CDK14: variants seen among roughly 807,000 people sequenced by gnomAD.
CDK14 encodes the protein cyclin dependent kinase 14, also known as cyclin-dependent kinase 14.
In CDK14, 34 loss-of-function variants were observed where a neutral mutation model predicts 60.7. That is an observed-to-expected ratio of 0.56 (90% confidence interval 0.43 to 0.75). The LOEUF is 0.75. Among genes scored for constraint, CDK14 ranks in the 30% least tolerant of loss-of-function variants. The pLI, the probability that CDK14 is intolerant of heterozygous loss-of-function variation, is 0.00. For missense variants in CDK14, 482 were observed against 564.1 expected (o/e 0.85, Z 1.47); for synonymous variants, 197 against 203.7 (o/e 0.97, Z 0.28).
chr7:90,910,523 G>A (rs977064731), intron 7 of CDK14, among the ~76,000 whole-genome samples: 2 of 152,070 alleles, frequency 1.3e-5, no homozygotes, highest in Non-Finnish European at 2.9e-5. Flanking sequence ...AAATGATACG[G>A]CGTTAAATAT....
At chr7:90,756,999 G>A (rs1327638894) in intron 4 of CDK14, among the ~76,000 whole-genome samples, 1 of 152,134 alleles carries the variant, frequency 6.6e-6, no homozygotes, top group Non-Finnish European at 1.5e-5. Context: ...CCCACAATCT[G>A]GGTGGCTTAA....
intron 5 of CDK14, among the ~76,000 whole-genome samples, chr7:90,849,793 C>T (rs75851246): frequency 0.032 from 4,791 of 152,072 alleles, 99 homozygotes; most frequent in Middle Eastern, 0.061. Context: ...ACCAAGTCTG[C>T]GGGTTGGATC....
chr7:90,760,625 G>A lies in CDK14; in HGVS notation c.464+12850G>A, dbSNP rs991394393. 5.3e-5 allele frequency among the ~76,000 whole-genome samples: 8 copies of A among 152,142 alleles called. 1 individual carries two copies. The South Asian group carries it at 1.4e-3, about 28-fold the overall frequency. On this transcript the variant is annotated intron_variant, in intron 4 of 14. Coordinates refer to ENST00000380050, the MANE Select transcript of CDK14 (RefSeq NM_001287135.2). ...TTAGACTTTGGGCTCTTGGACCAAA[G>A]CTTATTATTACAGCTCACTTCAAAG...
At chr7:90,600,989 A>C (rs1237783959) in intron 1 of CDK14, among the ~76,000 whole-genome samples, 1 of 152,250 alleles carries the variant, frequency 6.6e-6, no homozygotes, top group African/African-American at 2.4e-5. Context: ...AGGCCAATTA[A>C]CAGGCATTTA....
At chr7:91,073,477 T>A (rs1798212405) in intron 11 of CDK14, among the ~76,000 whole-genome samples, 1 of 152,134 alleles carries the variant, frequency 6.6e-6, no homozygotes, top group South Asian at 2.1e-4. Context: ...CCACCAGGCC[T>A]GTCTTGCAAG....
At chr7:90,657,229 C>T (rs908409759) in intron 2 of CDK14, among the ~76,000 whole-genome samples, 1 of 152,072 alleles carries the variant, frequency 6.6e-6, no homozygotes. Context: ...TGGTTTTGGG[C>T]TATTGAATAG....
At chr7:90,848,388 A>G (rs1790539348) in intron 5 of CDK14, among the ~76,000 whole-genome samples, 1 of 152,174 alleles carries the variant, frequency 6.6e-6, no homozygotes. Context: ...GGCCTGAGCC[A>G]CAGTGCCCAG....
At chr7:90,910,770 C>CT (rs1584113977) in intron 7 of CDK14, among the ~76,000 whole-genome samples, 1 of 152,136 alleles carries the variant, frequency 6.6e-6, no homozygotes, top group East Asian at 1.9e-4. Context: ...CTTAATTCCT[C>CT]TTTTTTTAAA....
intron 14 of CDK14, among the ~76,000 whole-genome samples, chr7:91,195,787 A>G (rs964898660): frequency 6.6e-6 from 1 of 151,946 alleles, no homozygotes; most frequent in African/African-American, 2.4e-5. Context: ...GGAACCTGGG[A>G]CTCTCCACCC....
chr7:91,201,216 C>T (rs1288559228), intron 14 of CDK14, among the ~76,000 whole-genome samples: 4 of 151,978 alleles, frequency 2.6e-5, no homozygotes, highest in African/African-American at 4.8e-5. Context: ...AGAAACTAAA[C>T]GTATTATAGC....
intron 9 of CDK14, among the ~76,000 whole-genome samples, chr7:90,959,026 T>C (rs1794519043): frequency 6.6e-6 from 1 of 152,198 alleles, no homozygotes; most frequent in African/African-American, 2.4e-5. Flanking sequence ...CTACTTTTTC[T>C]TGCCCGTGTG....
At chr7:90,670,725 C>CA (rs1330828970) in intron 2 of CDK14, among the ~76,000 whole-genome samples, 3 of 152,126 alleles carry the variant, frequency 2.0e-5, no homozygotes, top group African/African-American at 7.2e-5. Flanking sequence ...AGGACAGCAC[C>CA]AAAACATAAG....
intron 5 of CDK14, among the ~76,000 whole-genome samples, chr7:90,816,884 A>G (rs1789376255): frequency 6.6e-6 from 1 of 152,210 alleles, no homozygotes; most frequent in African/African-American, 2.4e-5. Context: ...CCATTTTACA[A>G]GAGAACAAGT....
At chr7:90,877,462 T>C (rs1398697230) in intron 6 of CDK14, among the ~76,000 whole-genome samples, 1 of 151,886 alleles carries the variant, frequency 6.6e-6, no homozygotes, top group African/African-American at 2.4e-5. Context: ...TGAGTAAGAA[T>C]TTTCCATCTT....
chr7:90,796,745 G>A (rs1788450643), intron 5 of CDK14, among the ~76,000 whole-genome samples: 1 of 150,384 alleles, frequency 6.6e-6, no homozygotes, highest in African/African-American at 2.5e-5. Context: ...GGGTTTTAGG[G>A]ATTTTGAGCT....
At chr7:90,671,416 TAA>T (rs898169894) in intron 2 of CDK14, among the ~76,000 whole-genome samples, 3 of 152,164 alleles carry the variant, frequency 2.0e-5, no homozygotes, top group African/African-American at 7.2e-5. Context: ...CAGAAAATGT[TAA>T]GATGTAAACA....
intron 8 of CDK14, among the ~76,000 whole-genome samples, chr7:90,923,643 G>T (rs1793321956): frequency 6.6e-6 from 1 of 152,150 alleles, no homozygotes; most frequent in African/African-American, 2.4e-5. Flanking sequence ...GCCAAATCAT[G>T]CATGTGAGGT....
intron 8 of CDK14, among the ~76,000 whole-genome samples, chr7:90,921,507 G>A (rs1793250616): frequency 6.6e-6 from 1 of 152,000 alleles, no homozygotes; most frequent in Admixed American, 6.6e-5. Context: ...TTCCGTGAAG[G>A]CGGGAACTTG....
rs1799222321 is a variant in CDK14 at position 90,597,630 on chromosome 7, GC to G, written c.91+913del. Among the ~76,000 whole-genome samples the G allele has an allele frequency of 3.3e-5, 5 of 152,156 alleles. No homozygotes were observed. In the South Asian group the frequency reaches 1.0e-3, roughly 31 times the overall value. On this transcript the variant is annotated intron_variant, in intron 1 of 14. Transcript: ENST00000380050. ...GATAACCCCTGCGAGTCCCTAGGAAGCTGCCTAGTCTTTGTTTCACTTGTTT... is the reference window on the plus strand; with the variant it reads ...GATAACCCCTGCGAGTCCCTAGGAAGTGCCTAGTCTTTGTTTCACTTGTTT...
Sources: allele counts gnomAD v4.1 joint callset (sites outside exome capture counted in the v4.1 genomes callset), GRCh38; gene constraint gnomAD v4.1.1; transcripts MANE v1.5; gene names NCBI Gene and HGNC (gene_info 2026-07-23, HGNC 2026-07-21).